The following BTRC variants were observed in gnomAD, a reference collection of about 807,000 sequenced individuals.
BTRC encodes the protein beta-transducin repeat containing E3 ubiquitin protein ligase.
BTRC carries 42 observed loss-of-function variants against 85.5 expected under a neutral mutation model. The ratio of observed to expected loss-of-function variants is 0.49; its 90% CI spans 0.38 to 0.64. BTRC has a LOEUF of 0.64. Among genes scored for constraint, BTRC ranks in the 30% least tolerant of loss-of-function variants. The pLI, the probability that BTRC is intolerant of heterozygous loss-of-function variation, is 0.00. For missense variants in BTRC, 594 were observed against 743.5 expected, an observed-to-expected ratio of 0.80 and a Z score of 2.34; for synonymous variants, 255 against 263.3, an observed-to-expected ratio of 0.97 and a Z score of 0.30.
In BTRC at chr10:101,369,795, G is replaced by A. The variant is rs147589960; in HGVS notation, c.48+15567G>A. On this transcript the variant is annotated intron_variant, in intron 1 of 14. Transcript: ENST00000370187. The stretch of plus-strand genomic sequence containing the variant: ...CAGTCTAATACCACAGGGTTCGTTC[G>A]ATAATTTCATAATTGTAACTCCATT... Among the ~76,000 whole-genome samples, 628 of 152,290 alleles carry A rather than the reference G, an allele frequency of 4.1e-3. 3 individuals are homozygous for A. The highest frequency in any genetic ancestry group is 9.8e-3 in the Admixed American group (150 of 15,302).
At chr10:101,546,663 G>A (rs558262917) in intron 13 of BTRC, among the ~76,000 whole-genome samples, 26 of 152,186 alleles carry the variant, frequency 1.7e-4, no homozygotes, top group South Asian at 8.3e-4. Context: ...TTCAAAGTAA[G>A]TAGAAGAAAA....
At chr10:101,530,663 C>T (rs117842157) in intron 6 of BTRC, among the ~76,000 whole-genome samples, 1,718 of 151,174 alleles carry the variant, frequency 0.011, 15 homozygotes, top group Non-Finnish European at 0.018. Context: ...TTATAATATT[C>T]CTAAAGGCTT....
chr10:101,435,649 A>T (rs1001508912), intron 2 of BTRC, among the ~76,000 whole-genome samples: 3 of 152,156 alleles, frequency 2.0e-5, no homozygotes, highest in Admixed American at 1.3e-4. Flanking sequence ...TAAAGCTACT[A>T]TAAACAGTTT....
chr10:101,380,503 C>T (rs1035125545), intron 1 of BTRC, among the ~76,000 whole-genome samples: 35 of 152,108 alleles, frequency 2.3e-4, no homozygotes, highest in African/African-American at 7.7e-4. Context: ...AGAGGTACTC[C>T]TCACTTCCCA....
chr10:101,489,048 T>C (rs1946062446), intron 4 of BTRC, among the ~76,000 whole-genome samples: 2 of 152,142 alleles, frequency 1.3e-5, no homozygotes, highest in Admixed American at 6.6e-5. Flanking sequence ...CAAAAGTACC[T>C]CACTTCCCCC....
intron 4 of BTRC, among the ~76,000 whole-genome samples, chr10:101,489,388 AAAGAGAG>A (rs1419912243): frequency 2.0e-5 from 3 of 152,250 alleles, no homozygotes; most frequent in South Asian, 4.2e-4. Context: ...CCTTAATCTG[AAAGAGAG>A]ATTTTTATTC....
intron 4 of BTRC, among the ~76,000 whole-genome samples, chr10:101,491,304 CTG>C (rs1476509173): frequency 1.3e-5 from 2 of 152,174 alleles, no homozygotes; most frequent in Non-Finnish European, 2.9e-5. Context: ...ATCCTGTTGT[CTG>C]TGTCACAATT....
chr10:101,546,648 T>C (rs915090187), intron 13 of BTRC, among the ~76,000 whole-genome samples: 3 of 151,888 alleles, frequency 2.0e-5, no homozygotes, highest in African/African-American at 7.3e-5. Flanking sequence ...AAAGAGCAAA[T>C]TAAATTCAAA....
At chr10:101,522,409 CTT>C (rs1176651688) in intron 5 of BTRC, among the ~76,000 whole-genome samples, 79 of 29,524 alleles carry the variant, frequency 2.7e-3, no homozygotes, top group Middle Eastern at 0.042. Flanking sequence ...ATAAAGACTC[CTT>C]TTTTTTTTTT....
At chr10:101,517,702 T>C (rs928665344) in intron 4 of BTRC, among the ~76,000 whole-genome samples, 3 of 152,220 alleles carry the variant, frequency 2.0e-5, no homozygotes, top group Admixed American at 6.5e-5. Context: ...TCTATTGATT[T>C]CTGAATCTTT....
intron 1 of BTRC, among the ~76,000 whole-genome samples, chr10:101,416,812 G>C (rs1943957944): frequency 6.6e-6 from 1 of 151,996 alleles, no homozygotes; most frequent in Admixed American, 6.6e-5. Flanking sequence ...GGCTGTATTA[G>C]TTGTTCTCTC....
At chr10:101,482,108 C>T (rs1036733861) in intron 4 of BTRC, among the ~76,000 whole-genome samples, 4 of 152,186 alleles carry the variant, frequency 2.6e-5, no homozygotes, top group South Asian at 2.1e-4. Context: ...CAACCTCCAC[C>T]TCCTGGGTTC....
chr10:101,472,292 C>CTCTTCTCTTA (rs1173703040), intron 3 of BTRC, among the ~76,000 whole-genome samples: 3 of 148,308 alleles, frequency 2.0e-5, no homozygotes, highest in African/African-American at 7.5e-5. Flanking sequence ...CTCTTCTCTT[C>CTCTTCTCTTA]TCTTCTCTTC....
At position 101,526,352 on chromosome 10, in the gene BTRC, C is replaced by G. The variant is rs542449919; in HGVS notation, c.743+153C>G. Among the ~76,000 whole-genome samples the G allele has an allele frequency of 2.6e-5, 4 of 152,312 alleles. No individual in the cohort carries two copies. The South Asian group carries it at 8.3e-4, about 32-fold the overall frequency. ...TAAAATGTAACAGAGAACAAATGTT[C>G]ATATACTCAGCAGTTTTTCTTCTTA... On this transcript the variant is annotated intron_variant, in intron 6 of 14. Transcript: ENST00000370187.
intron 8 of BTRC, among the ~76,000 whole-genome samples, 165 bp from the exon 9 acceptor site, chr10:101,532,787 T>TGTGTGC (rs1329746088): frequency 1.3e-5 from 1 of 75,128 alleles, no homozygotes; most frequent in Admixed American, 1.3e-4. Context: ...TGTGTGTGTG[T>TGTGTGC]GTGCGCGTGT....
At chr10:101,372,999 A>T (rs1277202154) in intron 1 of BTRC, among the ~76,000 whole-genome samples, 2 of 152,206 alleles carry the variant, frequency 1.3e-5, no homozygotes, top group Admixed American at 6.5e-5. Context: ...CACAAAAATG[A>T]TGTGTCTTTC....
At chr10:101,464,926 T>A (rs966806066) in intron 3 of BTRC, among the ~76,000 whole-genome samples, 1 of 152,110 alleles carries the variant, frequency 6.6e-6, no homozygotes, top group Non-Finnish European at 1.5e-5. Context: ...GGAAGAGTGA[T>A]GAATAGCAGG....
At chr10:101,398,311 CTTTTTTTG>C (rs1389684990) in intron 1 of BTRC, among the ~76,000 whole-genome samples, 7 of 151,420 alleles carry the variant, frequency 4.6e-5, no homozygotes, top group South Asian at 4.2e-4. Flanking sequence ...TTCTTTTTTT[CTTTTTTTG>C]TTTTTTTGAG....
At chr10:101,392,730 G>C (rs1394434478) in intron 1 of BTRC, among the ~76,000 whole-genome samples, 2 of 152,036 alleles carry the variant, frequency 1.3e-5, no homozygotes, top group Non-Finnish European at 2.9e-5. Context: ...CACCATGTTG[G>C]CCAGACTGGT....
Sources: allele counts gnomAD v4.1 joint callset (sites outside exome capture counted in the v4.1 genomes callset), GRCh38; gene constraint gnomAD v4.1.1; transcripts MANE v1.5; gene names NCBI Gene and HGNC (gene_info 2026-07-23, HGNC 2026-07-21).